Variants in BNC2 observed in about 807,000 individuals in gnomAD.
The protein encoded by BNC2 is zinc finger protein basonuclin-2.
A neutral mutation model predicts 76.3 loss-of-function variants in BNC2; 20 were observed. That is an observed-to-expected ratio of 0.26 (90% CI 0.18 to 0.38). The LOEUF (loss-of-function observed/expected upper bound fraction) is 0.38, where lower values mean the gene tolerates loss of function less well. BNC2 is among the 10% of genes least tolerant of loss of function. The probability of loss-of-function intolerance (pLI) is 1.00; values close to 1 mark genes in which losing one functional copy is unlikely to be tolerated. For synonymous variants in BNC2, 582 were observed against 514.8 expected (o/e 1.13, Z -1.77); for missense variants, 1,382 against 1,399.8 (o/e 0.99, Z 0.20).
chr9:16,580,635 A>C (rs1587195883), intron 4 of BNC2, among the ~76,000 whole-genome samples: 1 of 152,348 alleles, frequency 6.6e-6, no homozygotes, highest in Non-Finnish European at 1.5e-5. Context: ...TGGACATTAA[A>C]TAGATAAAAC....
At chr9:16,797,486 C>T (rs1233640029) in intron 1 of BNC2, among the ~76,000 whole-genome samples, 1 of 152,146 alleles carries the variant, frequency 6.6e-6, no homozygotes. Flanking sequence ...TTTCACAGCA[C>T]AACACACTAG....
At chr9:16,478,245 G>A (rs1168240497) in intron 5 of BNC2, among the ~76,000 whole-genome samples, 1 of 152,134 alleles carries the variant, frequency 6.6e-6, no homozygotes, top group Non-Finnish European at 1.5e-5. Flanking sequence ...ATTCTGGCAG[G>A]CTTTTCTCCA....
intron 1 of BNC2, among the ~76,000 whole-genome samples, chr9:16,845,359 T>C (rs569231485): frequency 1.3e-5 from 2 of 152,212 alleles, no homozygotes; most frequent in Non-Finnish European, 2.9e-5. Context: ...GCCTAGACCA[T>C]GGAGCTTTTC....
intron 4 of BNC2, chr9:16,579,972 T>G: frequency 5.0e-6 from 2 of 397,120 alleles, no homozygotes; most frequent in East Asian, 7.1e-5. Context: ...TTCTGGGCAA[T>G]GTATCTTGGT....
chr9:16,776,827 A>G lies in BNC2; in HGVS notation c.4-38342T>C, dbSNP rs946137484. ...ACGAATATGAAGGAATCATTCTTTA[A>G]AAGATAGGACAGTGGCAGCCAGGCG... On this transcript the variant is annotated intron_variant, in intron 1 of 6. Coordinates refer to ENST00000380672, the MANE Select transcript of BNC2 (RefSeq NM_017637.6). Among the ~76,000 whole-genome samples the G allele has an allele frequency of 2.6e-5, 4 of 152,222 alleles. 1 individual carries two copies. The highest frequency in any genetic ancestry group is 7.2e-5 in the African/African-American group (3 of 41,460).
chr9:16,495,474 C>A (rs1317511318), intron 5 of BNC2, among the ~76,000 whole-genome samples: 1 of 152,116 alleles, frequency 6.6e-6, no homozygotes, highest in African/African-American at 2.4e-5. Flanking sequence ...AACATGGTTC[C>A]TGGGTTGCCT....
At position 16,629,178 on chromosome 9, in the gene BNC2, TA is replaced by T. The variant is rs1391819485; in HGVS notation, c.331-46094del. 2.6e-5 allele frequency among the ~76,000 whole-genome samples: 4 copies of T among 152,324 alleles called. No individual in the cohort carries two copies. The East Asian group carries it at 7.7e-4, about 29-fold the overall frequency. ...ACCTTTTATGTTTACTTTTATTGCC[TA>T]ATTTAGCCAAACACATTACTCTAAA... On this transcript the variant is annotated intron_variant, in intron 3 of 6. Transcript: ENST00000380672.
At chr9:16,715,355 C>G (rs1224391930) in intron 3 of BNC2, among the ~76,000 whole-genome samples, 8 of 152,140 alleles carry the variant, frequency 5.3e-5, no homozygotes. Context: ...ATTTACTAAA[C>G]TTTTTTTCTA....
intron 5 of BNC2, among the ~76,000 whole-genome samples, chr9:16,552,200 G>A (rs1450726978): frequency 5.3e-5 from 8 of 152,020 alleles, no homozygotes; most frequent in Admixed American, 1.3e-4. Context: ...CCCATTACCC[G>A]CCTCAAAGAG....
At position 16,726,004 on chromosome 9, in the gene BNC2, A is replaced by ACACACACACACACACACACACG. The variant is rs1359291147; in HGVS notation, c.330+1792_330+1793insCGTGTGTGTGTGTGTGTGTGTG. Among the ~76,000 whole-genome samples the ACACACACACACACACACACACG allele has an allele frequency of 3.3e-5, 3 of 91,772 alleles. No individual in the cohort carries two copies. In the Admixed American group the frequency reaches 3.4e-4, roughly 10 times the overall value. The allele number at this position is 91,772 out of a possible 152,430, so 60.2% of individuals were successfully genotyped here. A position where few individuals can be genotyped will look rare whatever the true frequency, so the allele number is the denominator to read the frequency against. On this transcript the variant is annotated intron_variant, in intron 3 of 6. Transcript: ENST00000380672. ...CCTTCTAACACACACACACACACGCACACACACACACACGACCTCCACTAA... is the reference window on the plus strand; with the variant it reads ...CCTTCTAACACACACACACACACGCACACACACACACACACACACACGCACACACACACACGACCTCCACTAA...
intron 1 of BNC2, among the ~76,000 whole-genome samples, chr9:16,767,259 T>G (rs561311867): frequency 2.0e-5 from 3 of 152,322 alleles, no homozygotes; most frequent in Admixed American, 2.0e-4. Flanking sequence ...TCAGTAGGCA[T>G]GCAATGAGTA....
At chr9:16,767,917 G>A (rs1004175466) in intron 1 of BNC2, among the ~76,000 whole-genome samples, 14 of 150,834 alleles carry the variant, frequency 9.3e-5, no homozygotes, top group Admixed American at 7.9e-4. Flanking sequence ...TTTAAGATCC[G>A]ACATGCTCAA....
chr9:16,755,370 C>A (rs1229266697), intron 1 of BNC2, among the ~76,000 whole-genome samples: 1 of 152,086 alleles, frequency 6.6e-6, no homozygotes. Flanking sequence ...ACCCTATTAA[C>A]AGAAAAGGGC....
intron 5 of BNC2, among the ~76,000 whole-genome samples, chr9:16,527,153 T>A (rs969027294): frequency 6.6e-6 from 1 of 152,216 alleles, no homozygotes; most frequent in African/African-American, 2.4e-5. Flanking sequence ...GCAGTTCACA[T>A]CTTCCGCATG....
chr9:16,780,249 A>AAAAACAAAAAAAAAAC lies in BNC2; in HGVS notation c.4-41765_4-41764insGTTTTTTTTTTGTTTT, dbSNP rs1586878259. On this transcript the variant is annotated intron_variant, in intron 1 of 6. Coordinates refer to ENST00000380672, the MANE Select transcript of BNC2 (RefSeq NM_017637.6). ...AGACTTCGTTTCAAAAAAAAAAAAA[A>AAAAACAAAAAAAAAAC]AAAAAAACAAAAAAAAACTACTGAA... 6.1e-5 allele frequency among the ~76,000 whole-genome samples: 8 copies of AAAAACAAAAAAAAAAC among 132,070 alleles called. No individual in the cohort carries two copies. In the South Asian group the frequency reaches 7.3e-4, roughly 12 times the overall value. The allele number at this position is 132,070 out of a possible 152,430, so 86.6% of individuals were successfully genotyped here. A position where few individuals can be genotyped will look rare whatever the true frequency, so the allele number is the denominator to read the frequency against.
intron 5 of BNC2, among the ~76,000 whole-genome samples, chr9:16,494,804 G>C (rs973973602): frequency 6.6e-5 from 10 of 152,052 alleles, no homozygotes; most frequent in Non-Finnish European, 1.3e-4. Flanking sequence ...CACAGGGAGG[G>C]GAACATCACA....
intron 5 of BNC2, among the ~76,000 whole-genome samples, chr9:16,473,596 C>G (rs150215262): frequency 1.3e-5 from 2 of 151,972 alleles, no homozygotes; most frequent in East Asian, 3.9e-4. Context: ...ATGATGGGAC[C>G]GGGCGTGGTG....
At chr9:16,537,530 G>C (rs534737179) in intron 5 of BNC2, among the ~76,000 whole-genome samples, 1 of 151,384 alleles carries the variant, frequency 6.6e-6, no homozygotes, top group Middle Eastern at 3.4e-3. Context: ...GAACACTGTA[G>C]AAAAATAATG....
At chr9:16,741,356 G>A (rs923790054) in intron 1 of BNC2, among the ~76,000 whole-genome samples, 4 of 152,070 alleles carry the variant, frequency 2.6e-5, no homozygotes, top group Non-Finnish European at 5.9e-5. Context: ...AGGAGGCTGA[G>A]GCAGGAGAAT....
Sources: allele counts gnomAD v4.1 joint callset (sites outside exome capture counted in the v4.1 genomes callset), GRCh38; gene constraint gnomAD v4.1.1; transcripts MANE v1.5; gene names NCBI Gene and HGNC (gene_info 2026-07-23, HGNC 2026-07-21).